The following KCNB2 variants were observed in gnomAD, a reference collection of about 807,000 sequenced individuals.
KCNB2 encodes potassium voltage-gated channel subfamily B member 2.
Under a neutral mutation model 61.5 loss-of-function variants are expected in KCNB2, and 15 were observed. That is an observed-to-expected ratio of 0.24 (90% CI 0.16 to 0.38). KCNB2 has a LOEUF of 0.38. Ranked by LOEUF, KCNB2 falls within the 10% of genes least tolerant of loss-of-function variation. KCNB2 has a pLI of 1.00. For synonymous variants in KCNB2, 457 were observed against 446.0 expected (o/e 1.02, Z -0.31); for missense variants, 828 against 1,125.2 (o/e 0.74, Z 3.78).
chr8:72,618,004 C>G (rs977338570), intron 2 of KCNB2, among the ~76,000 whole-genome samples: 1 of 152,136 alleles, frequency 6.6e-6, no homozygotes, highest in African/African-American at 2.4e-5. Context: ...TGGAGTCTTT[C>G]ATTATGCAGT....
At chr8:72,759,827 A>G (rs1808347791) in intron 2 of KCNB2, among the ~76,000 whole-genome samples, 1 of 152,202 alleles carries the variant, frequency 6.6e-6, no homozygotes, top group Non-Finnish European at 1.5e-5. Context: ...CCCTTTTAGG[A>G]TAAGCCCGTT....
chr8:72,693,535 T>A (rs796778948), intron 2 of KCNB2, among the ~76,000 whole-genome samples: 33 of 152,240 alleles, frequency 2.2e-4, no homozygotes, highest in African/African-American at 7.7e-4. Context: ...AGCTCTGTGT[T>A]CTAAAAAAAG....
intron 2 of KCNB2, among the ~76,000 whole-genome samples, chr8:72,599,345 G>C (rs1483461731): frequency 6.6e-6 from 1 of 152,102 alleles, no homozygotes; most frequent in East Asian, 1.9e-4. Flanking sequence ...ACAAGCAATT[G>C]GGAAAGGATT....
chr8:72,757,881 A>G (rs1169459431), intron 2 of KCNB2, among the ~76,000 whole-genome samples: 3 of 152,196 alleles, frequency 2.0e-5, no homozygotes, highest in Admixed American at 1.3e-4. Flanking sequence ...GAGGAAGTCA[A>G]GAGTGGTCTT....
intron 2 of KCNB2, among the ~76,000 whole-genome samples, chr8:72,644,583 A>G (rs1013292454): frequency 1.3e-5 from 2 of 152,220 alleles, no homozygotes; most frequent in African/African-American, 2.4e-5. Flanking sequence ...GAACATAAAC[A>G]TAGCCTCAGA....
chr8:72,637,912 GAAGT>G (rs1282403012), intron 2 of KCNB2, among the ~76,000 whole-genome samples: 1 of 152,114 alleles, frequency 6.6e-6, no homozygotes, highest in Non-Finnish European at 1.5e-5. Flanking sequence ...TGTGAAATAA[GAAGT>G]AAGTTAAAAG....
intron 2 of KCNB2, among the ~76,000 whole-genome samples, chr8:72,582,452 G>C (rs1806918762): frequency 6.6e-6 from 1 of 152,194 alleles, no homozygotes; most frequent in African/African-American, 2.4e-5. Context: ...GGGAGTCTGT[G>C]TTGGTACAAG....
At position 72,637,558 on chromosome 8, in the gene KCNB2, C is replaced by T. The variant is rs1235620387; in HGVS notation, c.579+69245C>T. Among the ~76,000 whole-genome samples the T allele has an allele frequency of 3.9e-5, 6 of 152,096 alleles. 1 individual carries two copies. The highest frequency in any genetic ancestry group is 8.8e-5 in the Non-Finnish European group (6 of 68,004). On this transcript the variant is annotated intron_variant, in intron 2 of 2. Coordinates refer to ENST00000523207, the MANE Select transcript of KCNB2 (RefSeq NM_004770.3). ...AGGATATAGAATGAGGAAATGTAAA[C>T]AGCACTGCCAGTGATGCTCATGCAG...
intron 2 of KCNB2, among the ~76,000 whole-genome samples, chr8:72,738,448 A>T (rs998996138): frequency 6.6e-6 from 1 of 152,126 alleles, no homozygotes; most frequent in Admixed American, 6.6e-5. Context: ...TGCTTAAAGG[A>T]CTGTTGTCTA....
chr8:72,674,921 C>A (rs192124954), intron 2 of KCNB2, among the ~76,000 whole-genome samples: 352 of 152,046 alleles, frequency 2.3e-3, no homozygotes, highest in Non-Finnish European at 4.4e-3. Context: ...AGATTTTTTT[C>A]TCGTGTAAAA....
chr8:72,702,130 C>T (rs1284015645), intron 2 of KCNB2, among the ~76,000 whole-genome samples: 1 of 152,066 alleles, frequency 6.6e-6, no homozygotes, highest in Non-Finnish European at 1.5e-5. Flanking sequence ...AAGCCAAAAT[C>T]CCACCCCAGC....
At chr8:72,771,129 A>G (rs1022466873) in intron 2 of KCNB2, among the ~76,000 whole-genome samples, 2 of 152,234 alleles carry the variant, frequency 1.3e-5, no homozygotes, top group South Asian at 2.1e-4. Context: ...TGCAATTACT[A>G]CACCAGATAT....
intron 2 of KCNB2, among the ~76,000 whole-genome samples, chr8:72,796,238 A>AGT (rs1244133994): frequency 1.3e-5 from 2 of 152,156 alleles, no homozygotes; most frequent in African/African-American, 4.8e-5. Context: ...TGTGATAGTC[A>AGT]GTGTTTGAAT....
At chr8:72,835,643 T>C (rs1386956180) in intron 2 of KCNB2, among the ~76,000 whole-genome samples, 1 of 152,190 alleles carries the variant, frequency 6.6e-6, no homozygotes, top group Admixed American at 6.5e-5. Flanking sequence ...CCCAGGGGTG[T>C]AAGCAAACTA....
chr8:72,850,197 GTGTGTGTGTGTGTGTGTGTGTGTA>G (rs199578464), intron 2 of KCNB2, among the ~76,000 whole-genome samples: 40,938 of 100,256 alleles, frequency 0.41, 5,725 homozygotes, highest in Middle Eastern at 0.53. Flanking sequence ...GTAAGTGTGT[GTGTGTGTGTGTGTGTGTGTGTGTA>G]TGTGTGTGTG....
chr8:72,668,674 T>C (rs575537340), intron 2 of KCNB2, among the ~76,000 whole-genome samples: 1 of 152,324 alleles, frequency 6.6e-6, no homozygotes. Context: ...CTGACATAAG[T>C]AGGTCCATTC....
At position 72,669,059 on chromosome 8, in the gene KCNB2, G is replaced by A. The variant is rs77098844; in HGVS notation, c.579+100746G>A. ...GTCTGCTATATCTGTAACCTCTTGG[G>A]TTAATTAGACTGACCTGGCTGGTCA... On this transcript the variant is annotated intron_variant, in intron 2 of 2. Coordinates refer to ENST00000523207, the MANE Select transcript of KCNB2 (RefSeq NM_004770.3). 8.7e-3 allele frequency among the ~76,000 whole-genome samples: 1,331 copies of A among 152,182 alleles called. 16 individuals are homozygous for A. Among genetic ancestry groups the A allele is most frequent in the African/African-American group, 0.03 (1,266 of 41,512 alleles).
chr8:72,750,540 G>A (rs1808171820), intron 2 of KCNB2: 1 of 152,152 alleles, frequency 6.6e-6, no homozygotes. Flanking sequence ...TCACTGAACT[G>A]ATTGGGAATA....
chr8:72,690,382 A>G (rs1459222435), intron 2 of KCNB2, among the ~76,000 whole-genome samples: 3 of 152,260 alleles, frequency 2.0e-5, no homozygotes, highest in African/African-American at 7.2e-5. Context: ...GTCATCAGTT[A>G]AATAAACTAC....
Sources: gnomAD v4.1 joint callset for allele counts (sites outside exome capture counted in the v4.1 genomes callset) on GRCh38, gnomAD v4.1.1 for gene constraint, MANE v1.5 for transcripts, NCBI Gene and HGNC (gene_info 2026-07-23, HGNC 2026-07-21) for gene names.